Variants in SORBS2 observed in about 807,000 individuals in gnomAD.
SORBS2 encodes sorbin and SH3 domain containing 2, also known as sorbin and SH3 domain-containing protein 2.
In SORBS2, 46 loss-of-function variants were observed where a neutral mutation model predicts 97.7. The ratio of observed to expected loss-of-function variants is 0.47; its 90% CI spans 0.37 to 0.60. SORBS2 has a LOEUF of 0.60. Among genes scored for constraint, SORBS2 ranks in the 20% least tolerant of loss-of-function variants. The pLI, the probability that SORBS2 is intolerant of heterozygous loss-of-function variation, is 0.00. For synonymous variants in SORBS2, 476 were observed against 473.4 expected (o/e 1.01, Z -0.07); for missense variants, 1,316 against 1,282.3 (o/e 1.03, Z -0.40).
At chr4:185,698,930 A>G (rs945435383) in intron 2 of SORBS2, among the ~76,000 whole-genome samples, 1 of 152,090 alleles carries the variant, frequency 6.6e-6, no homozygotes, top group African/African-American at 2.4e-5. Flanking sequence ...AATTATTTTC[A>G]TGGTAATGTT....
At chr4:185,625,939 T>G (rs2096803127) in intron 6 of SORBS2, among the ~76,000 whole-genome samples, 1 of 152,220 alleles carries the variant, frequency 6.6e-6, no homozygotes, top group South Asian at 2.1e-4. Flanking sequence ...ACATTAGAGC[T>G]CAATTTCTTT....
chr4:185,677,995 A>T (rs2097820422), intron 4 of SORBS2, among the ~76,000 whole-genome samples: 1 of 152,142 alleles, frequency 6.6e-6, no homozygotes, highest in African/African-American at 2.4e-5. Flanking sequence ...ATTTAATAGC[A>T]TTGTTTTATA....
intron 1 of SORBS2, among the ~76,000 whole-genome samples, chr4:185,781,159 A>T (rs146054535): frequency 5.9e-5 from 9 of 151,580 alleles, no homozygotes; most frequent in African/African-American, 2.2e-4. Flanking sequence ...TTGGTCTCGA[A>T]CTCCTAACCT....
intron 2 of SORBS2, among the ~76,000 whole-genome samples, chr4:185,720,613 G>T (rs2098505092): frequency 6.6e-6 from 1 of 152,014 alleles, no homozygotes; most frequent in South Asian, 2.1e-4. Context: ...GATTGGCCTG[G>T]GCCTCCGGTA....
At chr4:185,932,000 CTCTATA>C (rs1459288458) in intron 1 of SORBS2, among the ~76,000 whole-genome samples, 3 of 150,282 alleles carry the variant, frequency 2.0e-5, no homozygotes, top group Admixed American at 6.7e-5. Context: ...CTCTCTCTCT[CTCTATA>C]TATATATATA....
At chr4:185,676,876 C>T in intron 4 of SORBS2, 2 of 768,428 alleles carry the variant, frequency 2.6e-6, no homozygotes, top group Non-Finnish European at 4.1e-6. Flanking sequence ...TTTCTTTCTC[C>T]TTTCCCTTCC....
chr4:185,910,894 CTT>C (rs1561292495), intron 1 of SORBS2, among the ~76,000 whole-genome samples: 1 of 151,906 alleles, frequency 6.6e-6, no homozygotes, highest in Non-Finnish European at 1.5e-5. Context: ...CCCTTCCAGA[CTT>C]TTCTCAGGTG....
At chr4:185,860,594 C>T (rs2149709450) in intron 1 of SORBS2, among the ~76,000 whole-genome samples, 1 of 152,322 alleles carries the variant, frequency 6.6e-6, no homozygotes, top group East Asian at 1.9e-4. Context: ...ATCCATAACA[C>T]AGCCTCAGGG....
intron 1 of SORBS2, among the ~76,000 whole-genome samples, chr4:185,913,545 G>T (rs901814450): frequency 6.6e-6 from 1 of 152,078 alleles, no homozygotes; most frequent in Admixed American, 6.6e-5. Flanking sequence ...TGTGTTAAAC[G>T]GTAAGACTGA....
chr4:185,891,156 C>G (rs2099242323), intron 1 of SORBS2, among the ~76,000 whole-genome samples: 2 of 151,854 alleles, frequency 1.3e-5, no homozygotes, highest in Admixed American at 1.3e-4. Flanking sequence ...TATTCTAATA[C>G]TTTTTTATTT....
chr4:185,955,814 T>G (rs1325583726), intron 1 of SORBS2, among the ~76,000 whole-genome samples: 1 of 152,182 alleles, frequency 6.6e-6, no homozygotes, highest in Non-Finnish European at 1.5e-5. Flanking sequence ...TCTCTGAGGC[T>G]GATAAATTGC....
At chr4:185,611,874 A>G (rs1341010279) in exon 12 of SORBS2, 1 of 1,613,906 alleles carries the variant, frequency 6.2e-7, no homozygotes, top group African/African-American at 1.3e-5. Flanking sequence ...GTTCTTCTTG[A>G]CGACCTCCAC....
chr4:185,921,541 T>C (rs571082983), intron 1 of SORBS2, among the ~76,000 whole-genome samples: 2 of 151,204 alleles, frequency 1.3e-5, no homozygotes, highest in South Asian at 2.1e-4. Flanking sequence ...AAAAAAGAAA[T>C]GGAAAGTATT....
intron 12 of SORBS2, among the ~76,000 whole-genome samples, chr4:185,605,011 A>G (rs4321678): frequency 0.66 from 100,814 of 151,766 alleles, 34,167 homozygotes; most frequent in East Asian, 0.92. Flanking sequence ...ACACCTTCAG[A>G]TTGATTGAAT....
rs1460093321 is a variant in SORBS2, at chr4:185,606,760, G to A, written c.2796+5020C>T. On this transcript the variant is annotated intron_variant, in intron 12 of 14. Coordinates refer to ENST00000418609, the Ensembl canonical transcript of SORBS2. The surrounding 1 kb of genome is among the most constrained non-coding windows in gnomAD (Gnocchi z 4.3). ...ACACCACCAGGCGTCTCCTTCCTGAGGTTCTGGCGGCCCTCTCTGGATGCC... is the reference window on the plus strand; with the variant it reads ...ACACCACCAGGCGTCTCCTTCCTGAAGTTCTGGCGGCCCTCTCTGGATGCC... The A allele has an allele frequency of 2.0e-6, 2 of 985,192 alleles. No individual in the cohort carries two copies. The highest frequency in any genetic ancestry group is 2.3e-4 in the East Asian group (2 of 8,816). The allele number at this position is 985,192 out of a possible 1,614,324, so 61.0% of individuals were successfully genotyped here. A position where few individuals can be genotyped will look rare whatever the true frequency, so the allele number is the denominator to read the frequency against.
intron 2 of SORBS2, among the ~76,000 whole-genome samples, chr4:185,682,735 G>T (rs924010378): frequency 6.6e-6 from 1 of 152,144 alleles, no homozygotes; most frequent in East Asian, 1.9e-4. Flanking sequence ...AGGGGGCCAG[G>T]TGTAGTGGCT....
intron 2 of SORBS2, among the ~76,000 whole-genome samples, chr4:185,731,866 C>CTATA (rs544211866): frequency 1.9e-3 from 47 of 24,682 alleles, no homozygotes; most frequent in Admixed American, 2.7e-3. Flanking sequence ...CTCTCTCTCT[C>CTATA]TATATATATA....
chr4:185,718,615 G>T (rs1052576363), intron 2 of SORBS2, among the ~76,000 whole-genome samples: 2 of 152,176 alleles, frequency 1.3e-5, no homozygotes, highest in Admixed American at 6.5e-5. Flanking sequence ...TACTGATTGA[G>T]CATATCCTGT....
intron 2 of SORBS2, among the ~76,000 whole-genome samples, chr4:185,708,925 A>T (rs995859108): frequency 2.0e-5 from 3 of 152,216 alleles, no homozygotes; most frequent in African/African-American, 7.2e-5. Context: ...TTATTTCTGG[A>T]TCTCCAATCT....
Sources: gnomAD v4.1 joint callset for allele counts (sites outside exome capture counted in the v4.1 genomes callset) on GRCh38, gnomAD v4.1.1 for gene constraint, Gnocchi (gnomAD v3.1) non-coding constraint, MANE v1.5 for transcripts, NCBI Gene and HGNC (gene_info 2026-07-23, HGNC 2026-07-21) for gene names.